PEBP4: variants seen among roughly 807,000 people sequenced by gnomAD.
The protein encoded by PEBP4 is phosphatidylethanolamine-binding protein 4.
PEBP4 carries 22 observed loss-of-function variants against 23.9 expected under a neutral mutation model. That is an observed-to-expected ratio of 0.92 (90% CI 0.66 to 1.31). The LOEUF (loss-of-function observed/expected upper bound fraction) is 1.31, where lower values mean the gene tolerates loss of function less well. Ranked by LOEUF, PEBP4 falls within the 40% of genes most tolerant of loss-of-function variation. The pLI is 0.00. For missense variants in PEBP4, 324 were observed against 281.7 expected (o/e 1.15, Z -1.07); for synonymous variants, 112 against 99.3 (o/e 1.13, Z -0.76).
At chr8:22,786,563 C>T (rs1476497086) in intron 4 of PEBP4, among the ~76,000 whole-genome samples, 2 of 152,072 alleles carry the variant, frequency 1.3e-5, no homozygotes, top group Non-Finnish European at 2.9e-5. Flanking sequence ...AGATTACAGG[C>T]ATGAGCCACC....
At chr8:22,731,820 G>A (rs918523464) in intron 4 of PEBP4, among the ~76,000 whole-genome samples, 4 of 144,474 alleles carry the variant, frequency 2.8e-5, no homozygotes, top group African/African-American at 7.6e-5. Flanking sequence ...CATGGCGCCC[G>A]GCTAATTTTT....
chr8:22,798,114 G>C (rs1806303099), intron 4 of PEBP4, among the ~76,000 whole-genome samples: 1 of 152,186 alleles, frequency 6.6e-6, no homozygotes, highest in Admixed American at 6.5e-5. Context: ...TCCCGAATGA[G>C]GGGGATTTTG....
At chr8:22,784,882 A>T (rs1805997146) in intron 4 of PEBP4, among the ~76,000 whole-genome samples, 2 of 152,136 alleles carry the variant, frequency 1.3e-5, no homozygotes, top group South Asian at 4.1e-4. Context: ...CGACATCAGG[A>T]GAAAGGCAGC....
intron 4 of PEBP4, among the ~76,000 whole-genome samples, chr8:22,749,823 T>TTTTTTTTTTTTTTTTTTTTTG (rs1805212361): frequency 6.8e-6 from 1 of 146,290 alleles, no homozygotes. Context: ...TTTTTTTTTT[T>TTTTTTTTTTTTTTTTTTTTTG]GAGATGGAGT....
intron 3 of PEBP4, among the ~76,000 whole-genome samples, chr8:22,845,870 G>T (rs1807422915): frequency 6.6e-6 from 1 of 152,236 alleles, no homozygotes; most frequent in Non-Finnish European, 1.5e-5. Context: ...CCTGGCACGG[G>T]CCTGGCCCGG....
intron 4 of PEBP4, chr8:22,744,659 G>A (rs1805075207): frequency 1.3e-5 from 2 of 152,374 alleles, no homozygotes; most frequent in East Asian, 1.9e-4. Context: ...CCTCCTACGG[G>A]GGCACGACAG....
At chr8:22,773,473 G>A (rs1363667897) in intron 4 of PEBP4, among the ~76,000 whole-genome samples, 1 of 152,160 alleles carries the variant, frequency 6.6e-6, no homozygotes, top group Non-Finnish European at 1.5e-5. Flanking sequence ...AGCTGAGCCT[G>A]GAAGCCTGTG....
chr8:22,860,228 ATGGTGC>A (rs1413683660), intron 3 of PEBP4, among the ~76,000 whole-genome samples: 6 of 147,166 alleles, frequency 4.1e-5, no homozygotes, highest in Non-Finnish European at 6.0e-5. Flanking sequence ...ATATATATAT[ATGGTGC>A]CAGAATACAC....
At chr8:22,849,527 C>T (rs982604384) in intron 3 of PEBP4, among the ~76,000 whole-genome samples, 3 of 152,166 alleles carry the variant, frequency 2.0e-5, no homozygotes, top group Non-Finnish European at 4.4e-5. Flanking sequence ...CTAATGATAA[C>T]ACACCAGCTC....
intron 4 of PEBP4, among the ~76,000 whole-genome samples, chr8:22,806,053 G>C (rs1363660031): frequency 2.6e-5 from 4 of 152,078 alleles, no homozygotes; most frequent in South Asian, 4.2e-4. Context: ...TTAAAATTTA[G>C]ATTAAAATTA....
At chr8:22,721,044 C>G (rs537229894) in intron 6 of PEBP4, among the ~76,000 whole-genome samples, 1 of 152,232 alleles carries the variant, frequency 6.6e-6, no homozygotes, top group South Asian at 2.1e-4. Flanking sequence ...GTTTCATCAG[C>G]TAGAAGTGGG....
intron 3 of PEBP4, among the ~76,000 whole-genome samples, chr8:22,842,953 G>A (rs1807358228): frequency 6.6e-6 from 1 of 152,164 alleles, no homozygotes; most frequent in Non-Finnish European, 1.5e-5. Context: ...TCAGCCTCCT[G>A]AGTAGCTGTG....
rs71206545 is a variant in PEBP4 at position 22,749,805 on chromosome 8, C to CTTTTTTTTTTTTTTTTTTTTTTTTTTT, written c.358-22586_358-22585insAAAAAAAAAAAAAAAAAAAAAAAAAAA. Among the ~76,000 whole-genome samples the CTTTTTTTTTTTTTTTTTTTTTTTTTTT allele has an allele frequency of 1.0e-3, 85 of 83,748 alleles. 22 individuals carry two copies. Among genetic ancestry groups the CTTTTTTTTTTTTTTTTTTTTTTTTTTT allele is most frequent in the Non-Finnish European group, 1.6e-3 (68 of 41,244 alleles). The allele number at this position is 83,748 out of a possible 152,430, so 54.9% of individuals were successfully genotyped here. ...CTCTCCTGATTCTCAGTTTGTCATT[C>CTTTTTTTTTTTTTTTTTTTTTTTTTTT]TTTTTTTTTTTTTTTTTTGAGATGG... is the stretch of plus-strand genomic sequence containing the variant. On this transcript the variant is annotated intron_variant, in intron 4 of 6. Coordinates refer to ENST00000256404, the MANE Select transcript of PEBP4 (RefSeq NM_144962.3).
chr8:22,934,789 T>G (rs1238556521), intron 1 of PEBP4, among the ~76,000 whole-genome samples: 5 of 152,190 alleles, frequency 3.3e-5, no homozygotes, highest in Non-Finnish European at 7.3e-5. Context: ...AAATTTAAAT[T>G]TAATTGGGTT....
chr8:22,888,497 T>C (rs1209651243), intron 3 of PEBP4, among the ~76,000 whole-genome samples: 7 of 152,166 alleles, frequency 4.6e-5, no homozygotes, highest in African/African-American at 1.7e-4. Context: ...TGGCCCCTGC[T>C]ATGAGGGTGG....
chr8:22,914,010 CAGAGTCTTG>C, intron 3 of PEBP4, among the ~76,000 whole-genome samples: 1 of 128,450 alleles, frequency 7.8e-6, no homozygotes, highest in Non-Finnish European at 1.6e-5. Flanking sequence ...TTTTTTGAGA[CAGAGTCTTG>C]CTCTGTTGCC....
At chr8:22,757,984 G>A (rs1277867470) in intron 4 of PEBP4, 1 of 152,224 alleles carries the variant, frequency 6.6e-6, no homozygotes, top group Non-Finnish European at 1.5e-5. Flanking sequence ...TGAGGTCATG[G>A]GACCTGGGGA....
intron 3 of PEBP4, among the ~76,000 whole-genome samples, chr8:22,919,355 G>T (rs1809151494): frequency 6.6e-6 from 1 of 152,168 alleles, no homozygotes; most frequent in Non-Finnish European, 1.5e-5. Flanking sequence ...TGCCTAGATT[G>T]ACAGCAGCAC....
At chr8:22,831,342 G>C (rs557620901) in intron 3 of PEBP4, among the ~76,000 whole-genome samples, 1 of 152,146 alleles carries the variant, frequency 6.6e-6, no homozygotes, top group African/African-American at 2.4e-5. Context: ...ACAAGAGTAT[G>C]ACCCCCTTGA....
Sources: allele counts gnomAD v4.1 joint callset (sites outside exome capture counted in the v4.1 genomes callset), GRCh38; gene constraint gnomAD v4.1.1; transcripts MANE v1.5; gene names NCBI Gene and HGNC (gene_info 2026-07-23, HGNC 2026-07-21).